MYO16: variants seen among roughly 807,000 people sequenced by gnomAD.
The protein encoded by MYO16 is unconventional myosin-XVI.
Under a neutral mutation model 205.3 loss-of-function variants are expected in MYO16, and 94 were observed. The ratio of observed to expected loss-of-function variants is 0.46; its 90% confidence interval spans 0.39 to 0.54. The LOEUF is 0.54. Ranked by LOEUF, MYO16 falls within the 20% of genes least tolerant of loss-of-function variation. The pLI is 0.00. For missense variants in MYO16, 2,315 were observed against 2,387.5 expected, an observed-to-expected ratio of 0.97 and a Z score of 0.63; for synonymous variants, 988 against 954.0, an observed-to-expected ratio of 1.04 and a Z score of -0.66.
intron 7 of MYO16, among the ~76,000 whole-genome samples, chr13:108,812,522 A>C (rs2138997157): frequency 6.6e-6 from 1 of 152,274 alleles, no homozygotes; most frequent in Non-Finnish European, 1.5e-5. Context: ...GATTTCCATG[A>C]GAAACCCAGG....
chr13:108,957,831 A>G (rs767684312), intron 17 of MYO16, 32 bp downstream of exon 17: 2 of 1,486,458 alleles, frequency 1.3e-6, no homozygotes, highest in Non-Finnish European at 1.9e-6. Context: ...TCACTGAGAA[A>G]ATCAACCTTC....
intron 27 of MYO16, among the ~76,000 whole-genome samples, chr13:109,078,480 T>C (rs377282046): frequency 6.6e-6 from 1 of 152,286 alleles, no homozygotes; most frequent in East Asian, 1.9e-4. Flanking sequence ...GTTTTTCTTC[T>C]AGTATCTATT....
chr13:108,999,432 C>A (rs150082491), intron 21 of MYO16, among the ~76,000 whole-genome samples: 1 of 152,130 alleles, frequency 6.6e-6, no homozygotes, highest in Non-Finnish European at 1.5e-5. Context: ...CATTTATTTT[C>A]GCTACGTGTC....
chr13:108,936,297 A>T (rs1228538779), intron 16 of MYO16, among the ~76,000 whole-genome samples: 1 of 152,088 alleles, frequency 6.6e-6, no homozygotes, highest in Admixed American at 6.5e-5. Flanking sequence ...TAGAATTGAT[A>T]CCAGCTCTTC....
chr13:108,562,834 C>A, the MYO16 span, among the ~76,000 whole-genome samples: 1 of 152,134 alleles, frequency 6.6e-6, no homozygotes, highest in African/African-American at 2.4e-5. Context: ...GTGTAGGAGG[C>A]TGTCACATTT....
intron 14 of MYO16, among the ~76,000 whole-genome samples, chr13:108,889,148 G>A (rs1431018593): frequency 6.6e-6 from 1 of 152,180 alleles, no homozygotes; most frequent in African/African-American, 2.4e-5. Context: ...GATCACTGGG[G>A]CCTGATAATA....
intron 1 of MYO16, among the ~76,000 whole-genome samples, chr13:108,653,551 A>T (rs1314719824): frequency 6.6e-6 from 1 of 151,890 alleles, no homozygotes; most frequent in South Asian, 2.1e-4. Context: ...TTTTGAATTA[A>T]TTTTGTATAT....
chr13:108,799,045 C>T (rs1486515658), intron 6 of MYO16, among the ~76,000 whole-genome samples: 1 of 152,228 alleles, frequency 6.6e-6, no homozygotes, highest in East Asian at 1.9e-4. Flanking sequence ...AAGAATTATT[C>T]AGGAGAGGCA....
chr13:109,139,103 C>T lies in MYO16; in HGVS notation c.4052-1161C>T, dbSNP rs113432429. Among the ~76,000 whole-genome samples, 1,104 of 152,164 alleles carry T rather than the reference C, an allele frequency of 7.3e-3. 8 individuals carry two copies. Among genetic ancestry groups the T allele is most frequent in the African/African-American group, 0.025 (1,020 of 41,502 alleles). ...CCAAAGTGCTGGGACTACAAGTGCC[C>T]GCCACCACTCCCGGCTAATTTTTGT... On this transcript the variant is annotated intron_variant, in intron 31 of 34. Coordinates refer to ENST00000457511, the MANE Select transcript of MYO16 (RefSeq NM_001198950.3).
At position 108,600,393 on chromosome 13, in the gene MYO16, A is replaced by G. The variant is rs76959232; in HGVS notation, c.-39+4154A>G. Among the ~76,000 whole-genome samples, 997 of 152,258 alleles carry G rather than the reference A, an allele frequency of 6.5e-3. 7 individuals are homozygous for G. Among genetic ancestry groups the G allele is most frequent in the African/African-American group, 0.023 (954 of 41,558 alleles). ...AGAGCTGTGAGCATTGAAATAACACAATGCATCAAAGGTGCTTAGCATAGT... is the reference window on the plus strand; with the variant it reads ...AGAGCTGTGAGCATTGAAATAACACGATGCATCAAAGGTGCTTAGCATAGT... On this transcript the variant is annotated intron_variant, in intron 1 of 24. Transcript: ENST00000251041.
intron 1 of MYO16, among the ~76,000 whole-genome samples, chr13:108,648,534 C>T (rs763273555): frequency 1.5e-3 from 228 of 151,932 alleles, no homozygotes; most frequent in Non-Finnish European, 2.5e-3. Context: ...AAATATGAAG[C>T]TTTCTGATAT....
chr13:109,129,613 C>A (rs1241478182), intron 31 of MYO16, among the ~76,000 whole-genome samples: 1 of 152,024 alleles, frequency 6.6e-6, no homozygotes, highest in East Asian at 1.9e-4. Flanking sequence ...ATTAGAATAA[C>A]AAGAAAGATT....
At chr13:108,927,423 G>A (rs1882060330) in intron 16 of MYO16, among the ~76,000 whole-genome samples, 1 of 152,058 alleles carries the variant, frequency 6.6e-6, no homozygotes, top group Non-Finnish European at 1.5e-5. Flanking sequence ...CATGAGCCAG[G>A]CACTGGGACT....
chr13:108,891,345 T>C (rs1468721132), intron 14 of MYO16, among the ~76,000 whole-genome samples: 2 of 152,228 alleles, frequency 1.3e-5, no homozygotes. Flanking sequence ...TATACAACCT[T>C]TTGTTTTTCA....
chr13:109,007,342 G>C lies in MYO16; in HGVS notation c.2443-1555G>C, dbSNP rs914280661. 7.9e-5 allele frequency among the ~76,000 whole-genome samples: 12 copies of C among 151,750 alleles called. No homozygotes were observed. The East Asian group carries it at 9.7e-4, about 12-fold the overall frequency. On this transcript the variant is annotated intron_variant, in intron 21 of 34. Transcript: ENST00000457511. ...GGCGGAGCTTGCAGTGAGCCGAGAT[G>C]GCGCCACTGCACTCCAGCCTGGGCG...
Position 108,849,617 on chromosome 13 carries a change from T to TGTG in MYO16, c.1248+5124_1248+5125insGTG, listed in dbSNP as rs1566368062. 1.0e-3 allele frequency among the ~76,000 whole-genome samples: 72 copies of TGTG among 71,502 alleles called. 1 individual carries two copies. The highest frequency in any genetic ancestry group is 6.5e-3 in the Middle Eastern group (1 of 154). The allele number at this position is 71,502 out of a possible 152,430, so 46.9% of individuals were successfully genotyped here. A position where few individuals can be genotyped will look rare whatever the true frequency, so the allele number is the denominator to read the frequency against. ...CCTCCAAATCCTGTTGAATTTCCTC[T>TGTG]TTTGTGTGTGTGTGTGTGTGTGTGT... On this transcript the variant is annotated intron_variant, in intron 10 of 34. Transcript: ENST00000457511.
intron 2 of MYO16, among the ~76,000 whole-genome samples, chr13:108,671,369 G>T (rs1012777418): frequency 6.6e-6 from 1 of 152,132 alleles, no homozygotes; most frequent in Non-Finnish European, 1.5e-5. Flanking sequence ...ATGCTATATT[G>T]TTAATGCCTT....
At chr13:108,666,277 TTTAAC>T in intron 2 of MYO16, 128 bp downstream of exon 2, 1 of 1,068,402 alleles carries the variant, frequency 9.4e-7, no homozygotes, top group Non-Finnish European at 1.3e-6. Context: ...GCTACTATCT[TTTAAC>T]TGTTTGTATT....
At chr13:108,655,447 A>G (rs1881199655) in intron 1 of MYO16, among the ~76,000 whole-genome samples, 1 of 152,230 alleles carries the variant, frequency 6.6e-6, no homozygotes, top group Admixed American at 6.5e-5. Context: ...AAATGCCTGG[A>G]TGCCCAGGCA....
Sources: gnomAD v4.1 joint callset for allele counts (sites outside exome capture counted in the v4.1 genomes callset) on GRCh38, gnomAD v4.1.1 for gene constraint, MANE v1.5 for transcripts, NCBI Gene and HGNC (gene_info 2026-07-23, HGNC 2026-07-21) for gene names.